ROBO1: variants seen among roughly 807,000 people sequenced by gnomAD.
The protein encoded by ROBO1 is roundabout homolog 1.
ROBO1 carries 149 observed loss-of-function variants against 195.9 expected under a neutral mutation model. That is an observed-to-expected ratio of 0.76 (90% confidence interval 0.67 to 0.87). The LOEUF is 0.87. Among genes scored for constraint, ROBO1 ranks in the 40% least tolerant of loss-of-function variants. ROBO1 has a pLI of 0.00. For missense variants in ROBO1, 1,933 were observed against 2,068.3 expected (o/e 0.93, Z 1.27); for synonymous variants, 816 against 733.2 (o/e 1.11, Z -1.82).
Position 78,614,622 on chromosome 3 carries a change from G to A in ROBO1, c.4435+26C>T, listed in dbSNP as rs766425770. On this transcript the variant is annotated intron_variant, in intron 28 of 30. Coordinates refer to ENST00000464233, the MANE Select transcript of ROBO1 (RefSeq NM_002941.4). ...GGGTAAATAGGCGAGATTCATAGAC[G>A]TTTTCATCCGTGTCAATGGACTCAC... The A allele has an allele frequency of 1.9e-5, 31 of 1,610,428 alleles. No homozygotes were observed. The East Asian group carries it at 4.7e-4, about 24-fold the overall frequency.
intron 2 of ROBO1, among the ~76,000 whole-genome samples, chr3:79,354,527 T>G (rs1195664145): frequency 1.3e-5 from 2 of 152,164 alleles, no homozygotes; most frequent in Non-Finnish European, 2.9e-5. Flanking sequence ...ATAGTCCACA[T>G]TTTTTGCTCT....
chr3:79,171,002 T>C (rs1207841496), intron 2 of ROBO1, among the ~76,000 whole-genome samples: 13 of 151,946 alleles, frequency 8.6e-5, no homozygotes, highest in Admixed American at 7.9e-4. Flanking sequence ...AGCCAACTGA[T>C]AGATTTTTCA....
At chr3:78,901,395 A>G (rs2037578127) in intron 4 of ROBO1, among the ~76,000 whole-genome samples, 1 of 152,214 alleles carries the variant, frequency 6.6e-6, no homozygotes, top group Non-Finnish European at 1.5e-5. Context: ...AACATGTACA[A>G]AGAAAATGAT....
intron 4 of ROBO1, among the ~76,000 whole-genome samples, chr3:78,904,871 T>C (rs2037810096): frequency 6.6e-6 from 1 of 151,984 alleles, no homozygotes; most frequent in Non-Finnish European, 1.5e-5. Flanking sequence ...TTATCTTTAT[T>C]TATTCAACAG....
rs2031516544 is a variant in ROBO1, at chr3:79,281,647, G to A, written c.89-156108C>T. 2.0e-5 allele frequency among the ~76,000 whole-genome samples: 3 copies of A among 152,090 alleles called. No homozygotes were observed. The South Asian group carries it at 6.2e-4, about 32-fold the overall frequency. On this transcript the variant is annotated intron_variant, in intron 2 of 30. Transcript: ENST00000464233. Reference sequence around the variant, plus strand: ...AGTCAGTAAATCAGGAATATTGATAGTGAATATCTTACATTGCTGTATATT... The same window carrying A: ...AGTCAGTAAATCAGGAATATTGATAATGAATATCTTACATTGCTGTATATT...
chr3:78,742,169 T>C (rs961396947), intron 5 of ROBO1, among the ~76,000 whole-genome samples: 3 of 152,166 alleles, frequency 2.0e-5, no homozygotes, highest in Non-Finnish European at 4.4e-5. Flanking sequence ...TAAAGAACTC[T>C]AGAAATTCCT....
intron 1 of ROBO1, among the ~76,000 whole-genome samples, chr3:79,685,592 C>A (rs1015252039): frequency 6.6e-6 from 1 of 152,116 alleles, no homozygotes; most frequent in African/African-American, 2.4e-5. Context: ...CCAAACAGGG[C>A]AGTTAATGAA....
chr3:79,359,578 G>C (rs979634005), intron 2 of ROBO1, among the ~76,000 whole-genome samples: 3 of 151,868 alleles, frequency 2.0e-5, no homozygotes, highest in Non-Finnish European at 2.9e-5. Flanking sequence ...TGTCATGATA[G>C]GTTATATTTT....
intron 4 of ROBO1, among the ~76,000 whole-genome samples, chr3:78,750,052 A>T (rs9866912): frequency 0.73 from 111,280 of 152,076 alleles, 41,035 homozygotes; most frequent in South Asian, 0.81. Context: ...GTGTATAGTT[A>T]GGTACATATA....
chr3:78,763,291 C>T (rs2083151100), intron 4 of ROBO1, among the ~76,000 whole-genome samples: 1 of 151,936 alleles, frequency 6.6e-6, no homozygotes, highest in South Asian at 2.1e-4. Flanking sequence ...TTTTGGTATC[C>T]TAATGGCTAG....
intron 2 of ROBO1, among the ~76,000 whole-genome samples, chr3:79,327,530 G>A (rs968679516): frequency 6.6e-6 from 1 of 151,730 alleles, no homozygotes; most frequent in African/African-American, 2.4e-5. Flanking sequence ...ATCAAAACAT[G>A]TACCATAGTC....
chr3:79,462,713 G>A (rs1048944576), intron 2 of ROBO1, among the ~76,000 whole-genome samples: 1 of 151,756 alleles, frequency 6.6e-6, no homozygotes, highest in Non-Finnish European at 1.5e-5. Flanking sequence ...GAAGTTTGCT[G>A]GCAGTGTGAA....
intron 2 of ROBO1, among the ~76,000 whole-genome samples, chr3:79,436,282 T>C (rs1009922555): frequency 6.6e-6 from 1 of 152,170 alleles, no homozygotes; most frequent in African/African-American, 2.4e-5. Context: ...TTGCAATGTT[T>C]GCATTTCTAA....
At chr3:79,516,565 CACAA>C (rs987603974) in intron 2 of ROBO1, among the ~76,000 whole-genome samples, 5 of 152,106 alleles carry the variant, frequency 3.3e-5, no homozygotes, top group Admixed American at 6.6e-5. Context: ...TTTGTTTATA[CACAA>C]ACAAACATGG....
chr3:79,399,071 C>T (rs1040479585), intron 2 of ROBO1, among the ~76,000 whole-genome samples: 5 of 152,014 alleles, frequency 3.3e-5, no homozygotes, highest in South Asian at 2.1e-4. Context: ...GAGTCCTGTC[C>T]GGCATGCATA....
chr3:79,441,052 T>A (rs2039039037), intron 2 of ROBO1, among the ~76,000 whole-genome samples: 1 of 152,186 alleles, frequency 6.6e-6, no homozygotes, highest in African/African-American at 2.4e-5. Context: ...CTTATTTTTT[T>A]ATTGTTATCC....
intron 2 of ROBO1, among the ~76,000 whole-genome samples, chr3:79,147,324 A>G (rs1425848155): frequency 6.6e-6 from 1 of 152,024 alleles, no homozygotes; most frequent in Non-Finnish European, 1.5e-5. Flanking sequence ...GCCAAGAAGC[A>G]TGGCCTACAA....
chr3:79,543,936 C>T (rs80195064), intron 2 of ROBO1, among the ~76,000 whole-genome samples: 12,377 of 152,000 alleles, frequency 0.081, 666 homozygotes, highest in East Asian at 0.17. Context: ...TTAATGAAAG[C>T]AGAAATAAGC....
intron 5 of ROBO1, among the ~76,000 whole-genome samples, chr3:78,728,930 A>T (rs554781516): frequency 4.9e-4 from 75 of 152,376 alleles, no homozygotes; most frequent in South Asian, 1.2e-3. Flanking sequence ...TTTGAAAACC[A>T]ACATGAATTC....
Sources: gnomAD v4.1 joint callset for allele counts (sites outside exome capture counted in the v4.1 genomes callset) on GRCh38, gnomAD v4.1.1 for gene constraint, MANE v1.5 for transcripts, NCBI Gene and HGNC (gene_info 2026-07-23, HGNC 2026-07-21) for gene names.